MYO1D: variants seen among roughly 807,000 people sequenced by gnomAD.
The protein encoded by MYO1D is unconventional myosin-Id.
Under a neutral mutation model 122.0 loss-of-function variants are expected in MYO1D, and 83 were observed. The observed-to-expected ratio is 0.68, with a 90% CI of 0.57 to 0.82. MYO1D has a LOEUF of 0.82. Among genes scored for constraint, MYO1D ranks in the 40% least tolerant of loss-of-function variants. The probability of loss-of-function intolerance (pLI) is 0.00; values close to 1 mark genes in which losing one functional copy is unlikely to be tolerated. For synonymous variants in MYO1D, 464 were observed against 446.9 expected, an observed-to-expected ratio of 1.04 and a Z score of -0.48; for missense variants, 1,157 against 1,269.5, an observed-to-expected ratio of 0.91 and a Z score of 1.35.
chr17:32,651,683 T>C (rs2088392292), intron 19 of MYO1D, among the ~76,000 whole-genome samples: 1 of 151,250 alleles, frequency 6.6e-6, no homozygotes, highest in African/African-American at 2.4e-5. Flanking sequence ...ACTTTTTTTT[T>C]TTTTTTTTTT....
At chr17:32,863,846 G>C (rs529684094) in intron 1 of MYO1D, among the ~76,000 whole-genome samples, 6 of 152,150 alleles carry the variant, frequency 3.9e-5, no homozygotes, top group Middle Eastern at 3.4e-3. Context: ...TTTTAAGACT[G>C]AGCCATTAAA....
intron 21 of MYO1D, among the ~76,000 whole-genome samples, chr17:32,507,541 G>A (rs527919435): frequency 6.6e-6 from 1 of 152,314 alleles, no homozygotes; most frequent in South Asian, 2.1e-4. Flanking sequence ...ATAACAACCT[G>A]TGAATTAGCA....
chr17:32,522,081 C>CAAA (rs35096680), intron 21 of MYO1D, among the ~76,000 whole-genome samples: 37 of 63,246 alleles, frequency 5.9e-4, no homozygotes, highest in East Asian at 1.2e-3. Context: ...GACTCTGTCT[C>CAAA]AAAAAAAAAA....
At chr17:32,565,734 T>G (rs437482) in intron 21 of MYO1D, among the ~76,000 whole-genome samples, 18 of 146,822 alleles carry the variant, frequency 1.2e-4, no homozygotes, top group Middle Eastern at 3.5e-3. Flanking sequence ...GTGTGTGTGT[T>G]TTTTTTTTGA....
At chr17:32,587,647 C>T (rs1430074665) in intron 21 of MYO1D, among the ~76,000 whole-genome samples, 1 of 152,098 alleles carries the variant, frequency 6.6e-6, no homozygotes, top group Non-Finnish European at 1.5e-5. Flanking sequence ...TTTTGTTGGA[C>T]GAACTAGCAG....
rs150049197 is a variant in MYO1D, at chr17:32,589,491, T to C, written c.2864+15596A>G. ...CAGCTCTTTCCAGGGAGTAGGGCAA[T>C]GTAAGGATGTGGTGCCTCTCGTCGG... is the stretch of plus-strand genomic sequence containing the variant. On this transcript the variant is annotated intron_variant, in intron 21 of 21. Coordinates refer to ENST00000318217, the MANE Select transcript of MYO1D (RefSeq NM_015194.3). Among the ~76,000 whole-genome samples, 889 of 152,260 alleles carry C rather than the reference T, an allele frequency of 5.8e-3. 6 individuals carry two copies. The highest frequency in any genetic ancestry group is 0.02 in the African/African-American group (844 of 41,540).
intron 19 of MYO1D, among the ~76,000 whole-genome samples, chr17:32,645,203 T>C (rs1345506809): frequency 6.6e-6 from 1 of 152,234 alleles, no homozygotes; most frequent in Non-Finnish European, 1.5e-5. Flanking sequence ...AAATTGCGGG[T>C]TGAAAATTCT....
At chr17:32,815,262 C>A (rs1031533827) in intron 1 of MYO1D, among the ~76,000 whole-genome samples, 1 of 152,148 alleles carries the variant, frequency 6.6e-6, no homozygotes, top group Non-Finnish European at 1.5e-5. Context: ...CATAAGAGAT[C>A]CATTTTGCTA....
intron 21 of MYO1D, among the ~76,000 whole-genome samples, chr17:32,580,289 ATTTTTTTTTTTTT>A (rs71144843): frequency 1.2e-3 from 48 of 39,134 alleles, no homozygotes; most frequent in East Asian, 9.1e-3. Flanking sequence ...TGCTAAGAGG[ATTTTTTTTTTTTT>A]TTTTTTTTTT....
chr17:32,558,595 C>G (rs114990414), intron 21 of MYO1D, among the ~76,000 whole-genome samples: 1,672 of 152,318 alleles, frequency 0.011, 36 homozygotes, highest in African/African-American at 0.039. Context: ...GAGAACCAGG[C>G]TTCCTCCACA....
chr17:32,734,919 A>C (rs1365894170), intron 14 of MYO1D: 1 of 151,860 alleles, frequency 6.6e-6, no homozygotes, highest in African/African-American at 2.4e-5. Flanking sequence ...AAAATACAAA[A>C]AAAAAAAAAT....
At chr17:32,512,907 T>C (rs190457507) in intron 21 of MYO1D, 4 of 152,410 alleles carry the variant, frequency 2.6e-5, no homozygotes, top group East Asian at 1.9e-4. Flanking sequence ...GAGTTCAAGA[T>C]GAGTGGGGGC....
At chr17:32,849,669 G>A (rs904841608) in intron 1 of MYO1D, among the ~76,000 whole-genome samples, 7 of 151,202 alleles carry the variant, frequency 4.6e-5, no homozygotes, top group South Asian at 2.1e-4. Context: ...GTTGTGGGGT[G>A]GGGGGAGAGG....
At chr17:32,584,878 T>C (rs373820458) in intron 21 of MYO1D, among the ~76,000 whole-genome samples, 14 of 152,184 alleles carry the variant, frequency 9.2e-5, no homozygotes, top group East Asian at 3.8e-4. Context: ...CAAAAAAACA[T>C]TGATTTGCTC....
chr17:32,839,426 A>T (rs529293968), intron 1 of MYO1D, among the ~76,000 whole-genome samples: 1 of 152,362 alleles, frequency 6.6e-6, no homozygotes, highest in South Asian at 2.1e-4. Flanking sequence ...AAGACCTGCC[A>T]GAGAATTTAA....
intron 16 of MYO1D, among the ~76,000 whole-genome samples, chr17:32,659,680 C>A (rs953445432): frequency 6.6e-6 from 1 of 152,174 alleles, no homozygotes; most frequent in Non-Finnish European, 1.5e-5. Flanking sequence ...TGAAGGGAAG[C>A]GAGATGAGTC....
At chr17:32,544,804 TAC>T (rs2086952015) in intron 21 of MYO1D, among the ~76,000 whole-genome samples, 2 of 152,114 alleles carry the variant, frequency 1.3e-5, no homozygotes, top group Non-Finnish European at 1.5e-5. Flanking sequence ...CATACACATA[TAC>T]ACACACACTC....
chr17:32,550,986 A>G (rs370401775), intron 21 of MYO1D, among the ~76,000 whole-genome samples: 43 of 152,252 alleles, frequency 2.8e-4, no homozygotes, highest in African/African-American at 1.0e-3. Flanking sequence ...GAAAGAAATG[A>G]TAATAGTGAA....
chr17:32,797,074 G>A (rs1017139401), intron 1 of MYO1D, among the ~76,000 whole-genome samples: 11 of 151,934 alleles, frequency 7.2e-5, no homozygotes, highest in Non-Finnish European at 1.0e-4. Flanking sequence ...AGGTTCAAGC[G>A]ATTCCCCTGC....
Sources: allele counts gnomAD v4.1 joint callset (sites outside exome capture counted in the v4.1 genomes callset), GRCh38; gene constraint gnomAD v4.1.1; transcripts MANE v1.5; gene names NCBI Gene and HGNC (gene_info 2026-07-23, HGNC 2026-07-21).